The following TRPM3 variants were observed in gnomAD, a reference collection of about 807,000 sequenced individuals.
The protein encoded by TRPM3 is transient receptor potential cation channel subfamily M member 3.
TRPM3 carries 77 observed loss-of-function variants against 181.2 expected under a neutral mutation model. The observed-to-expected ratio is 0.42, with a 90% CI of 0.35 to 0.51. The LOEUF is 0.51. Ranked by LOEUF, TRPM3 falls within the 20% of genes least tolerant of loss-of-function variation. The pLI, the probability that TRPM3 is intolerant of heterozygous loss-of-function variation, is 0.01. For synonymous variants in TRPM3, 745 were observed against 796.4 expected, an observed-to-expected ratio of 0.94 and a Z score of 1.09; for missense variants, 1,759 against 2,196.7, an observed-to-expected ratio of 0.80 and a Z score of 3.98.
chr9:70,911,672 C>T (rs1223771469), intron 1 of TRPM3, among the ~76,000 whole-genome samples: 1 of 152,154 alleles, frequency 6.6e-6, no homozygotes, highest in Non-Finnish European at 1.5e-5. Flanking sequence ...GTAGCCTCCC[C>T]TCTGATACTC....
chr9:71,078,987 G>A (rs2063836950), intron 1 of TRPM3, among the ~76,000 whole-genome samples: 1 of 151,940 alleles, frequency 6.6e-6, no homozygotes, highest in South Asian at 2.1e-4. Flanking sequence ...CCTTCTCAAG[G>A]AACTCACCAC....
intron 16 of TRPM3, among the ~76,000 whole-genome samples, chr9:70,619,616 T>C (rs970941379): frequency 6.6e-6 from 1 of 151,778 alleles, no homozygotes; most frequent in Non-Finnish European, 1.5e-5. Context: ...GGTCTTGCTA[T>C]GTTGCCCAGG....
rs556385615 is a variant in TRPM3, at chr9:71,217,259, T to C, written c.183+229394A>G. 2.6e-5 allele frequency among the ~76,000 whole-genome samples: 4 copies of C among 152,266 alleles called. No individual in the cohort carries two copies. In the South Asian group the frequency reaches 8.3e-4, roughly 32 times the overall value. On this transcript the variant is annotated intron_variant, in intron 1 of 24. Transcript: ENST00000357533. ...GCCACCGCGCCCGGCCCAGTGGCCC[T>C]TTCTTAAAACATTCTCTCTCCTATA...
chr9:71,324,194 T>C (rs145556149), intron 1 of TRPM3, among the ~76,000 whole-genome samples: 275 of 152,260 alleles, frequency 1.8e-3, no homozygotes, highest in African/African-American at 6.3e-3. Context: ...TATTAATATA[T>C]GTAATAGAAA....
At chr9:70,811,070 G>A in intron 6 of TRPM3, 1 of 889,706 alleles carries the variant, frequency 1.1e-6, no homozygotes, top group Non-Finnish European at 1.8e-6. Flanking sequence ...ACAGTCATAG[G>A]GAGTGATACT....
rs117456177 is a variant in TRPM3, at chr9:70,885,377, T to C, written c.178-20866A>G. The stretch of plus-strand genomic sequence containing the variant: ...GTCTCTAATCATTGCCAAATGTCCC[T>C]TGAGGGCAAATTTTTTTCCCTGGTT... On this transcript the variant is annotated intron_variant, in intron 1 of 25. Coordinates refer to ENST00000677713, the MANE Select transcript of TRPM3 (RefSeq NM_001366145.2). Among the ~76,000 whole-genome samples, 153 of 152,316 alleles carry C rather than the reference T, an allele frequency of 1.0e-3. 2 individuals are homozygous for C. In the East Asian group the frequency reaches 0.023, roughly 23 times the overall value.
chr9:71,422,334 TATAAAC>T (rs1392490141), intron 1 of TRPM3, among the ~76,000 whole-genome samples: 12 of 152,038 alleles, frequency 7.9e-5, no homozygotes, highest in Non-Finnish European at 4.4e-5. Flanking sequence ...TCTATACAAT[TATAAAC>T]AGATACAGCA....
intron 1 of TRPM3, among the ~76,000 whole-genome samples, chr9:70,955,793 T>G (rs555292648): frequency 6.6e-6 from 1 of 152,204 alleles, no homozygotes; most frequent in African/African-American, 2.4e-5. Context: ...CCCTGTGGGA[T>G]AGAATCCAAG....
At chr9:70,587,660 A>T (rs2057366881) in intron 22 of TRPM3, among the ~76,000 whole-genome samples, 1 of 152,192 alleles carries the variant, frequency 6.6e-6, no homozygotes, top group South Asian at 2.1e-4. Flanking sequence ...ACCAGCTCTC[A>T]GAGGCCATGC....
chr9:71,053,092 G>A (rs1415480319), intron 1 of TRPM3, among the ~76,000 whole-genome samples: 28 of 62,464 alleles, frequency 4.5e-4, no homozygotes, highest in African/African-American at 6.8e-4. Context: ...CCATCCTAAG[G>A]AAAAAAAAAA....
At chr9:71,143,124 CA>C (rs1307215878) in intron 1 of TRPM3, among the ~76,000 whole-genome samples, 1 of 134,946 alleles carries the variant, frequency 7.4e-6, no homozygotes, top group Admixed American at 7.4e-5. Context: ...GACCCTATCC[CA>C]AAAAAAAGAA....
At chr9:70,595,997 T>A (rs2058949539) in intron 21 of TRPM3, among the ~76,000 whole-genome samples, 1 of 152,232 alleles carries the variant, frequency 6.6e-6, no homozygotes, top group Admixed American at 6.5e-5. Context: ...ACAGTAGGGT[T>A]AGGAATACAG....
chr9:71,258,027 G>A (rs1012359172), intron 1 of TRPM3, among the ~76,000 whole-genome samples: 4 of 152,070 alleles, frequency 2.6e-5, no homozygotes, highest in Non-Finnish European at 5.9e-5. Context: ...CACATCTGAA[G>A]GTTTCCACCA....
At chr9:70,768,608 T>C (rs981831428) in intron 7 of TRPM3, among the ~76,000 whole-genome samples, 1 of 152,122 alleles carries the variant, frequency 6.6e-6, no homozygotes, top group African/African-American at 2.4e-5. Flanking sequence ...TCTTTTTTTT[T>C]TTAAACTCAA....
intron 1 of TRPM3, among the ~76,000 whole-genome samples, chr9:71,100,921 T>TA (rs1334503310): frequency 6.6e-6 from 1 of 152,142 alleles, no homozygotes; most frequent in East Asian, 1.9e-4. Context: ...GAGTGTAAGT[T>TA]ACATTTTCTA....
intron 1 of TRPM3, among the ~76,000 whole-genome samples, chr9:70,890,280 G>A (rs2096177181): frequency 6.6e-6 from 1 of 151,784 alleles, no homozygotes; most frequent in African/African-American, 2.4e-5. Flanking sequence ...AGGTGAGGAA[G>A]CAAACGTGAG....
chr9:70,630,921 G>A (rs1018819614), intron 12 of TRPM3, among the ~76,000 whole-genome samples: 4 of 151,248 alleles, frequency 2.6e-5, no homozygotes, highest in Admixed American at 2.0e-4. Flanking sequence ...TATTAGATCT[G>A]CTCTTCAAAA....
At chr9:70,658,675 C>A (rs1369803176) in intron 9 of TRPM3, among the ~76,000 whole-genome samples, 1 of 151,930 alleles carries the variant, frequency 6.6e-6, no homozygotes, top group Non-Finnish European at 1.5e-5. Context: ...TTTTGTCATC[C>A]ATGGACAATT....
chr9:70,568,566 C>T (rs913083551), intron 22 of TRPM3, among the ~76,000 whole-genome samples: 5 of 152,138 alleles, frequency 3.3e-5, no homozygotes, highest in African/African-American at 7.2e-5. Flanking sequence ...ATTCTATATG[C>T]TTTGTAAATT....
Sources: allele counts gnomAD v4.1 joint callset (sites outside exome capture counted in the v4.1 genomes callset), GRCh38; gene constraint gnomAD v4.1.1; transcripts MANE v1.5; gene names NCBI Gene and HGNC (gene_info 2026-07-23, HGNC 2026-07-21).